Variants in ATP8A1 observed in about 807,000 individuals in gnomAD.
ATP8A1 encodes phospholipid-transporting ATPase IA.
ATP8A1 carries 90 observed loss-of-function variants against 177.7 expected under a neutral mutation model. That is an observed-to-expected ratio of 0.51 (90% CI 0.43 to 0.60). ATP8A1 has a LOEUF of 0.60. Among genes scored for constraint, ATP8A1 ranks in the 20% least tolerant of loss-of-function variants. The pLI, the probability that ATP8A1 is intolerant of heterozygous loss-of-function variation, is 0.00. For synonymous variants in ATP8A1, 493 were observed against 485.9 expected, an observed-to-expected ratio of 1.01 and a Z score of -0.19; for missense variants, 1,072 against 1,392.8, an observed-to-expected ratio of 0.77 and a Z score of 3.67.
intron 1 of ATP8A1, among the ~76,000 whole-genome samples, chr4:42,644,103 C>A (rs1439515479): frequency 1.3e-5 from 2 of 152,130 alleles, no homozygotes; most frequent in African/African-American, 4.8e-5. Flanking sequence ...TCAATTTTAG[C>A]TGAACATATG....
At chr4:42,435,461 A>ACAAAC (rs1553871737) in intron 33 of ATP8A1, among the ~76,000 whole-genome samples, 1 of 122,346 alleles carries the variant, frequency 8.2e-6, no homozygotes, top group Non-Finnish European at 1.8e-5. Context: ...AAAAAAAAAA[A>ACAAAC]AACAAACTAT....
intron 15 of ATP8A1, among the ~76,000 whole-genome samples, chr4:42,565,023 T>G (rs1156395302): frequency 6.6e-6 from 1 of 152,192 alleles, no homozygotes; most frequent in African/African-American, 2.4e-5. Flanking sequence ...AAGCTCTCTC[T>G]TTGCGTGCTG....
chr4:42,428,354 A>C (rs1235413215), intron 33 of ATP8A1, among the ~76,000 whole-genome samples: 1 of 152,198 alleles, frequency 6.6e-6, no homozygotes, highest in Non-Finnish European at 1.5e-5. Flanking sequence ...TCTTCCCTCC[A>C]AAGGCTGCTC....
intron 20 of ATP8A1, among the ~76,000 whole-genome samples, chr4:42,543,511 C>T (rs1728609488): frequency 6.6e-6 from 1 of 152,064 alleles, no homozygotes; most frequent in Non-Finnish European, 1.5e-5. Flanking sequence ...CAAATTAGTC[C>T]CATGACATAA....
At chr4:42,608,142 CT>C (rs1392531071) in intron 5 of ATP8A1, among the ~76,000 whole-genome samples, 3 of 152,150 alleles carry the variant, frequency 2.0e-5, no homozygotes, top group Admixed American at 2.0e-4. Flanking sequence ...TGAAAACATT[CT>C]GTTAGAGAAC....
intron 22 of ATP8A1, among the ~76,000 whole-genome samples, chr4:42,509,792 C>T (rs1022462679): frequency 3.0e-5 from 4 of 132,146 alleles, no homozygotes; most frequent in Non-Finnish European, 4.6e-5. Context: ...GCGGAGCTTG[C>T]GGTAAGCCGA....
At chr4:42,564,549 C>T (rs1160065629) in intron 15 of ATP8A1, among the ~76,000 whole-genome samples, 1 of 152,210 alleles carries the variant, frequency 6.6e-6, no homozygotes, top group Non-Finnish European at 1.5e-5. Flanking sequence ...CTGCTGGATT[C>T]TGGACTTGCG....
chr4:42,619,678 A>G (rs959927886), intron 4 of ATP8A1, among the ~76,000 whole-genome samples: 1 of 151,824 alleles, frequency 6.6e-6, no homozygotes, highest in Non-Finnish European at 1.5e-5. Context: ...AACATTATCT[A>G]ATAGAATATA....
chr4:42,509,898 T>C (rs1724837245), intron 22 of ATP8A1, among the ~76,000 whole-genome samples: 1 of 152,008 alleles, frequency 6.6e-6, no homozygotes. Flanking sequence ...TAAGCTTTCC[T>C]TTATTTCTTA....
chr4:42,527,689 GCA>G (rs973280077), intron 20 of ATP8A1, among the ~76,000 whole-genome samples: 2 of 152,178 alleles, frequency 1.3e-5, no homozygotes, highest in Non-Finnish European at 2.9e-5. Context: ...ATGAGGAGAT[GCA>G]CTACACTCAA....
intron 24 of ATP8A1, among the ~76,000 whole-genome samples, chr4:42,500,545 G>A (rs1227377683): frequency 2.6e-5 from 4 of 151,844 alleles, no homozygotes; most frequent in Admixed American, 2.6e-4. Flanking sequence ...AACTTTACAT[G>A]ATTCTTAATT....
intron 33 of ATP8A1, among the ~76,000 whole-genome samples, chr4:42,439,663 A>G (rs560817181): frequency 3.2e-4 from 48 of 152,344 alleles, no homozygotes; most frequent in African/African-American, 1.1e-3. Context: ...ACTGAGGAAG[A>G]ACAAGACCGC....
At chr4:42,619,364 A>G (rs1355346407) in intron 4 of ATP8A1, among the ~76,000 whole-genome samples, 1 of 152,186 alleles carries the variant, frequency 6.6e-6, no homozygotes, top group Non-Finnish European at 1.5e-5. Context: ...GTAAATATCA[A>G]TTTAACAAAT....
intron 24 of ATP8A1, among the ~76,000 whole-genome samples, chr4:42,495,913 A>AT: frequency 6.6e-6 from 1 of 152,178 alleles, no homozygotes; most frequent in Non-Finnish European, 1.5e-5. Context: ...ATACACAAAT[A>AT]TAGGTTTCCC....
At chr4:42,570,075 A>G (rs1488060345) in intron 14 of ATP8A1, among the ~76,000 whole-genome samples, 7 of 152,186 alleles carry the variant, frequency 4.6e-5, no homozygotes, top group Admixed American at 4.6e-4. Context: ...TATACAATAA[A>G]CTTTGTTAAA....
At chr4:42,590,685 A>G (rs1230971069) in intron 7 of ATP8A1, 126 bp downstream of exon 7, 1 of 775,390 alleles carries the variant, frequency 1.3e-6, no homozygotes, top group Non-Finnish European at 2.2e-6. Flanking sequence ...TCCATCACCA[A>G]GCAGTATAAA....
intron 25 of ATP8A1, among the ~76,000 whole-genome samples, chr4:42,471,023 G>T (rs538793606): frequency 6.6e-6 from 1 of 151,920 alleles, no homozygotes; most frequent in Non-Finnish European, 1.5e-5. Context: ...AATTTGGCAG[G>T]TTCATTTATA....
intron 6 of ATP8A1, among the ~76,000 whole-genome samples, chr4:42,591,613 A>C (rs566337386): frequency 6.6e-5 from 10 of 152,124 alleles, no homozygotes; most frequent in East Asian, 3.9e-4. Flanking sequence ...AGAGGGTATG[A>C]AATAGACATG....
intron 1 of ATP8A1, among the ~76,000 whole-genome samples, chr4:42,652,650 C>T (rs1007608854): frequency 6.6e-6 from 1 of 152,172 alleles, no homozygotes; most frequent in East Asian, 1.9e-4. Context: ...GTGGAAGAGA[C>T]CTGGTGGGAG....
Sources: allele counts gnomAD v4.1 joint callset (sites outside exome capture counted in the v4.1 genomes callset), GRCh38; gene constraint gnomAD v4.1.1; transcripts MANE v1.5; gene names NCBI Gene and HGNC (gene_info 2026-07-23, HGNC 2026-07-21).